The following EVA1A variants were observed in gnomAD, a reference collection of about 807,000 sequenced individuals.
The protein encoded by EVA1A is eva-1 homolog A, regulator of programmed cell death.
Under a neutral mutation model 9.8 loss-of-function variants are expected in EVA1A, and 7 were observed. The observed-to-expected ratio is 0.71, with a 90% CI of 0.41 to 1.34. The LOEUF (loss-of-function observed/expected upper bound fraction) is 1.34. Among genes scored for constraint, EVA1A ranks in the 40% most tolerant of loss-of-function variants. EVA1A has a pLI of 0.01. For missense variants in EVA1A, 206 were observed against 205.9 expected (o/e 1.00, Z 0.00); for synonymous variants, 90 against 85.6 (o/e 1.05, Z -0.28).
At chr2:75,518,861 C>A (rs139911707) in intron 2 of EVA1A, 2 of 985,418 alleles carry the variant, frequency 2.0e-6, no homozygotes, top group Non-Finnish European at 2.4e-6. Flanking sequence ...GGCAGTGGTT[C>A]AGAGCTGGCT....
chr2:75,507,510 G>A (rs181618749), intron 3 of EVA1A, among the ~76,000 whole-genome samples: 56 of 152,200 alleles, frequency 3.7e-4, no homozygotes, highest in African/African-American at 1.3e-3. Context: ...TAATCAGAGG[G>A]GGCCTCTGGA....
chr2:75,559,121 A>G (rs1676824777), intron 1 of EVA1A, among the ~76,000 whole-genome samples: 1 of 152,150 alleles, frequency 6.6e-6, no homozygotes. Context: ...CAACCTCAGC[A>G]CTATTAACAT....
intron 3 of EVA1A, among the ~76,000 whole-genome samples, chr2:75,493,861 G>T (rs1209237192): frequency 6.6e-6 from 1 of 152,174 alleles, no homozygotes; most frequent in East Asian, 1.9e-4. Context: ...CAAATGAAAA[G>T]GTAAAAGAAA....
chr2:75,538,764 T>C (rs1460706802), intron 1 of EVA1A, among the ~76,000 whole-genome samples: 14 of 152,246 alleles, frequency 9.2e-5, no homozygotes, highest in Admixed American at 9.2e-4. Context: ...TTGTATGATT[T>C]CATTTATACA....
chr2:75,526,006 A>G (rs1309569918), intron 1 of EVA1A: 1 of 152,250 alleles, frequency 6.6e-6, no homozygotes, highest in Non-Finnish European at 1.5e-5. Flanking sequence ...CTTGTCTTAA[A>G]TCAATAAATA....
At chr2:75,508,399 G>C (rs1357425352) in intron 3 of EVA1A, among the ~76,000 whole-genome samples, 4 of 151,958 alleles carry the variant, frequency 2.6e-5, no homozygotes, top group Non-Finnish European at 4.4e-5. Flanking sequence ...TGGGGGTATG[G>C]GTCTATAAAC....
intron 1 of EVA1A, among the ~76,000 whole-genome samples, chr2:75,537,418 C>T (rs1675951000): frequency 1.3e-5 from 2 of 152,094 alleles, no homozygotes; most frequent in Admixed American, 6.6e-5. Flanking sequence ...TAAAGATGCC[C>T]ACCCTCCCCA....
At chr2:75,543,969 T>C (rs966280767) in intron 1 of EVA1A, among the ~76,000 whole-genome samples, 2 of 152,202 alleles carry the variant, frequency 1.3e-5, no homozygotes, top group African/African-American at 4.8e-5. Context: ...CAAATTACAT[T>C]TAAAAATATT....
chr2:75,551,318 A>C (rs1277532591), intron 1 of EVA1A, among the ~76,000 whole-genome samples: 1 of 150,806 alleles, frequency 6.6e-6, no homozygotes, highest in Non-Finnish European at 1.5e-5. Flanking sequence ...AGCTCCCCTC[A>C]TCTGTTAGAC....
intron 1 of EVA1A, chr2:75,558,655 G>C (rs1401840609): frequency 2.0e-5 from 3 of 152,194 alleles, no homozygotes; most frequent in African/African-American, 7.2e-5. Flanking sequence ...CTCAAAGATT[G>C]ATTGCCAGCC....
chr2:75,539,974 G>C (rs1197222784), intron 1 of EVA1A, among the ~76,000 whole-genome samples: 1 of 152,214 alleles, frequency 6.6e-6, no homozygotes, highest in African/African-American at 2.4e-5. Context: ...TGGAGCCATG[G>C]AGGAGATGCA....
intron 3 of EVA1A, among the ~76,000 whole-genome samples, chr2:75,503,393 T>C: frequency 6.6e-6 from 1 of 152,180 alleles, no homozygotes; most frequent in East Asian, 1.9e-4. Context: ...CCTTAATAAA[T>C]AAAAATAAAT....
At chr2:75,523,767 C>A (rs963471194) in intron 1 of EVA1A, among the ~76,000 whole-genome samples, 4 of 152,194 alleles carry the variant, frequency 2.6e-5, no homozygotes, top group African/African-American at 9.6e-5. Context: ...CAGAGTTTCC[C>A]ACAATAAGTG....
chr2:75,549,995 C>T (rs1676467734), intron 1 of EVA1A, among the ~76,000 whole-genome samples: 1 of 152,164 alleles, frequency 6.6e-6, no homozygotes, highest in East Asian at 1.9e-4. Context: ...TTAAGTCAAG[C>T]TTTTAACCCT....
chr2:75,503,444 C>T (rs908983785), intron 3 of EVA1A, among the ~76,000 whole-genome samples: 2 of 152,124 alleles, frequency 1.3e-5, no homozygotes, highest in African/African-American at 4.8e-5. Flanking sequence ...ATTGTTTTCA[C>T]GGGCAGGAAG....
At chr2:75,532,752 C>T (rs968049210) in intron 1 of EVA1A, among the ~76,000 whole-genome samples, 42 of 152,068 alleles carry the variant, frequency 2.8e-4, no homozygotes, top group African/African-American at 9.7e-4. Context: ...TGTCAAGAAA[C>T]GTGAACTTAC....
At position 75,556,044 on chromosome 2, in the gene EVA1A, C is replaced by A. The variant is rs114655237; in HGVS notation, c.-192+4636G>T. ...ATTCTGATGATCTATTCACACGTCCCTCATATGTCATGGACTGCAATCTTA... is the reference window on the plus strand; with the variant it reads ...ATTCTGATGATCTATTCACACGTCCATCATATGTCATGGACTGCAATCTTA... On this transcript the variant is annotated intron_variant, in intron 1 of 3. Transcript: ENST00000393913. Among the ~76,000 whole-genome samples, 959 of 152,282 alleles carry A rather than the reference C, an allele frequency of 6.3e-3. 11 individuals are homozygous for A. The highest frequency in any genetic ancestry group is 0.029 in the South Asian group (140 of 4,814).
intron 1 of EVA1A, among the ~76,000 whole-genome samples, chr2:75,530,100 A>G (rs2103888698): frequency 6.6e-6 from 1 of 152,318 alleles, no homozygotes; most frequent in Non-Finnish European, 1.5e-5. Context: ...ACAAAGGATC[A>G]TTCAAGGCTA....
At chr2:75,521,005 A>G (rs1306312876) in intron 2 of EVA1A, among the ~76,000 whole-genome samples, 1 of 152,190 alleles carries the variant, frequency 6.6e-6, no homozygotes, top group Non-Finnish European at 1.5e-5. Flanking sequence ...AACTCCTACA[A>G]CTCAACAACT....
Sources: gnomAD v4.1 joint callset for allele counts (sites outside exome capture counted in the v4.1 genomes callset) on GRCh38, gnomAD v4.1.1 for gene constraint, MANE v1.5 for transcripts, NCBI Gene and HGNC (gene_info 2026-07-23, HGNC 2026-07-21) for gene names.